The following SPMAP2 variants were observed in gnomAD, a reference collection of about 807,000 sequenced individuals.
SPMAP2 encodes sperm microtubule associated protein 2.
the SPMAP2 span, among the ~76,000 whole-genome samples, chr19:369,120 T>TCACTTTAAACACGTTTAACTTTAAACCC: frequency 2.0e-5 from 3 of 152,188 alleles, no homozygotes; most frequent in South Asian, 6.2e-4. Context: ...AGAGATGCTG[T>TCACTTTAAACACGTTTAACTTTAAACCC]CACTTTAAAC....
the SPMAP2 span, among the ~76,000 whole-genome samples, chr19:364,464 G>T: frequency 6.6e-6 from 1 of 151,776 alleles, no homozygotes. Flanking sequence ...AGGATCACCT[G>T]AGCCCTAGAG....
At chr19:362,442 GAGA>G in the SPMAP2 span, 1 of 1,581,880 alleles carries the variant, frequency 6.3e-7, no homozygotes, top group African/African-American at 1.3e-5. Flanking sequence ...GGGGGCAGAA[GAGA>G]AGGACAGCAC....
the SPMAP2 span, among the ~76,000 whole-genome samples, chr19:365,778 A>C: frequency 2.5e-4 from 36 of 145,696 alleles, no homozygotes; most frequent in African/African-American, 7.4e-4. Flanking sequence ...TGTGAGCACA[A>C]ACAGCCACAC....
the SPMAP2 span, among the ~76,000 whole-genome samples, chr19:370,349 T>TG: frequency 6.6e-6 from 1 of 151,188 alleles, no homozygotes. Context: ...ACAGTTTTGT[T>TG]TTTTTTTTTT....
At chr19:365,202 T>C in the SPMAP2 span, among the ~76,000 whole-genome samples, 1 of 152,218 alleles carries the variant, frequency 6.6e-6, no homozygotes, top group Non-Finnish European at 1.5e-5. Flanking sequence ...GGTACAGGTG[T>C]GAGTGCTTCT....
the SPMAP2 span, among the ~76,000 whole-genome samples, chr19:368,998 G>A: frequency 3.9e-5 from 6 of 152,204 alleles, no homozygotes; most frequent in African/African-American, 7.2e-5. This position sits in a 1 kb window ranked among gnomAD's most constrained non-coding sequence, Gnocchi z 4.1. Context: ...AACATGGACC[G>A]TGCATGTTGG....
chr19:371,278 C>T, the SPMAP2 span: 10 of 1,518,772 alleles, frequency 6.6e-6, no homozygotes, highest in Middle Eastern at 1.8e-4. Flanking sequence ...ACTCGACGCT[C>T]TGTATTCCAG....
the SPMAP2 span, chr19:362,050 TC>T: frequency 2.0e-6 from 1 of 493,926 alleles, no homozygotes; most frequent in Non-Finnish European, 3.5e-6. Flanking sequence ...GCTGGACAAG[TC>T]GCAGGTTGGA....
chr19:362,537 G>T, the SPMAP2 span: 1 of 799,518 alleles, frequency 1.3e-6, no homozygotes, highest in Non-Finnish European at 1.9e-6. Context: ...GAAGGCTGAG[G>T]CAGGTGGATC....
the SPMAP2 span, chr19:373,333 A>T: frequency 1.3e-6 from 1 of 787,982 alleles, no homozygotes; most frequent in Admixed American, 2.2e-5. Flanking sequence ...TCCTCAGGGG[A>T]CAGACTCCAG....
At chr19:374,061 C>A in the SPMAP2 span, 1 of 1,583,272 alleles carries the variant, frequency 6.3e-7, no homozygotes, top group East Asian at 2.3e-5. Context: ...CTGGGTCTCC[C>A]GTTTGCTCCC....
chr19:374,127 C>A, the SPMAP2 span: 2 of 1,449,744 alleles, frequency 1.4e-6, no homozygotes, highest in Non-Finnish European at 1.9e-6. Context: ...CCTAGCCACT[C>A]CCAGTGTCTG....
chr19:375,112 C>A, the SPMAP2 span, among the ~76,000 whole-genome samples: 2 of 152,074 alleles, frequency 1.3e-5, no homozygotes, highest in Non-Finnish European at 2.9e-5. Context: ...GGACGGGAGC[C>A]GAGTCCCAGA....
the SPMAP2 span, chr19:375,885 G>T: frequency 6.4e-7 from 1 of 1,562,586 alleles, no homozygotes; most frequent in Non-Finnish European, 8.7e-7. Context: ...GAGGCCACGG[G>T]GGTCGCCGTC....
the SPMAP2 span, chr19:374,253 G>A: frequency 6.2e-7 from 1 of 1,605,296 alleles, no homozygotes; most frequent in Non-Finnish European, 8.5e-7. Flanking sequence ...TGCAGAGAAA[G>A]CCGCCCACGC....
chr19:370,129 C>T, the SPMAP2 span, among the ~76,000 whole-genome samples: 1 of 151,962 alleles, frequency 6.6e-6, no homozygotes, highest in Non-Finnish European at 1.5e-5. Flanking sequence ...GCGCAATCCC[C>T]ACACAGAGAA....
At chr19:371,397 T>TCC in the SPMAP2 span, 1 of 593,506 alleles carries the variant, frequency 1.7e-6, no homozygotes, top group Non-Finnish European at 2.7e-6. Flanking sequence ...TGTGTGTGTG[T>TCC]GTGTGTGTAT....
the SPMAP2 span, chr19:373,795 C>T: frequency 1.2e-6 from 1 of 818,028 alleles, no homozygotes. Flanking sequence ...AGACCCAGGT[C>T]ACAAGGGTGG....
chr19:365,034 T>G, the SPMAP2 span, among the ~76,000 whole-genome samples: 2 of 151,996 alleles, frequency 1.3e-5, no homozygotes, highest in Non-Finnish European at 2.9e-5. Context: ...GGGAAAAGAG[T>G]GTGGAGTCTC....
Sources: allele counts gnomAD v4.1 joint callset (sites outside exome capture counted in the v4.1 genomes callset), GRCh38; gene constraint gnomAD v4.1.1; non-coding constraint Gnocchi (gnomAD v3.1); transcripts MANE v1.5; gene names NCBI Gene and HGNC (gene_info 2026-07-23, HGNC 2026-07-21).